Variants in ACOXL observed in about 807,000 individuals in gnomAD.
The protein encoded by ACOXL is acyl-CoA oxidase like.
ACOXL carries 70 observed loss-of-function variants against 71.9 expected under a neutral mutation model. The ratio of observed to expected loss-of-function variants is 0.97; its 90% confidence interval spans 0.80 to 1.19. The LOEUF (loss-of-function observed/expected upper bound fraction) is 1.19. Ranked by LOEUF, ACOXL falls within the 50% of genes most tolerant of loss-of-function variation. The probability of loss-of-function intolerance (pLI) is 0.00; values close to 1 mark genes in which losing one functional copy is unlikely to be tolerated. For synonymous variants in ACOXL, 253 were observed against 281.6 expected (o/e 0.90, Z 1.02); for missense variants, 703 against 736.3 (o/e 0.95, Z 0.52).
chr2:110,897,563 T>C (rs2059062877), intron 10 of ACOXL, among the ~76,000 whole-genome samples: 1 of 152,188 alleles, frequency 6.6e-6, no homozygotes, highest in Non-Finnish European at 1.5e-5. Context: ...TAGCCTATTA[T>C]GAGGGCCGAG....
chr2:110,813,188 T>C (rs2105436703), intron 9 of ACOXL, among the ~76,000 whole-genome samples: 1 of 152,266 alleles, frequency 6.6e-6, no homozygotes, highest in Middle Eastern at 3.4e-3. Context: ...GAGAGGAAAG[T>C]CCTTGGGCAT....
chr2:110,897,980 A>C (rs2059081687), intron 10 of ACOXL, among the ~76,000 whole-genome samples: 1 of 152,160 alleles, frequency 6.6e-6, no homozygotes, highest in Non-Finnish European at 1.5e-5. Flanking sequence ...GTAAACATAA[A>C]ATTGAAAACT....
chr2:110,831,064 A>G (rs1315691842), intron 9 of ACOXL, among the ~76,000 whole-genome samples: 1 of 152,190 alleles, frequency 6.6e-6, no homozygotes, highest in African/African-American at 2.4e-5. Flanking sequence ...TTTCCCCCCT[A>G]CAACTGGGAA....
intron 16 of ACOXL, among the ~76,000 whole-genome samples, chr2:111,052,579 T>C (rs146508737): frequency 6.6e-6 from 1 of 152,312 alleles, no homozygotes; most frequent in Non-Finnish European, 1.5e-5. Flanking sequence ...GAGTTGCCTC[T>C]CAGATTTCAC....
At chr2:111,084,038 G>A (rs1257587680) in intron 16 of ACOXL, among the ~76,000 whole-genome samples, 1 of 151,994 alleles carries the variant, frequency 6.6e-6, no homozygotes, top group African/African-American at 2.4e-5. Flanking sequence ...AAAAAAATGT[G>A]ATTTGGGGCC....
intron 12 of ACOXL, among the ~76,000 whole-genome samples, chr2:110,951,483 A>T (rs530321393): frequency 2.0e-5 from 3 of 152,332 alleles, no homozygotes; most frequent in African/African-American, 7.2e-5. Flanking sequence ...TGCCATGGTT[A>T]ATTAAAGGAA....
At chr2:110,987,922 A>G (rs982075798) in intron 13 of ACOXL, among the ~76,000 whole-genome samples, 2 of 151,934 alleles carry the variant, frequency 1.3e-5, no homozygotes, top group African/African-American at 2.4e-5. Context: ...TTTCTGGGGG[A>G]TGTGCACAAG....
At chr2:110,914,094 T>C (rs1947964) in intron 11 of ACOXL, among the ~76,000 whole-genome samples, 78,049 of 151,940 alleles carry the variant, frequency 0.51, 20,330 homozygotes, top group East Asian at 0.59. Context: ...GCACAACTCC[T>C]TAAATATACT....
At chr2:110,915,100 CTTTT>C (rs2059789991) in intron 11 of ACOXL, among the ~76,000 whole-genome samples, 1 of 151,922 alleles carries the variant, frequency 6.6e-6, no homozygotes. Context: ...CTTATTCATT[CTTTT>C]TAACTATTTT....
chr2:110,792,223 C>T (rs545304853), intron 3 of ACOXL, among the ~76,000 whole-genome samples: 1 of 152,316 alleles, frequency 6.6e-6, no homozygotes, highest in Admixed American at 6.5e-5. Flanking sequence ...TCAACATCAC[C>T]CACAAACCAC....
intron 12 of ACOXL, among the ~76,000 whole-genome samples, chr2:110,976,860 C>A (rs1421422481): frequency 1.3e-5 from 2 of 152,098 alleles, no homozygotes; most frequent in Non-Finnish European, 2.9e-5. Flanking sequence ...CAAAACCACT[C>A]AAGAAAAGCA....
intron 16 of ACOXL, among the ~76,000 whole-genome samples, chr2:111,091,840 C>A (rs1027094926): frequency 3.3e-5 from 5 of 152,132 alleles, no homozygotes; most frequent in Non-Finnish European, 7.4e-5. Context: ...GATGCTGTTC[C>A]AAGGATACGC....
At chr2:110,957,205 C>G (rs2061532890) in intron 12 of ACOXL, among the ~76,000 whole-genome samples, 1 of 151,194 alleles carries the variant, frequency 6.6e-6, no homozygotes, top group Admixed American at 6.6e-5. Flanking sequence ...AATATACAAA[C>G]AAATATCCCC....
intron 1 of ACOXL, among the ~76,000 whole-genome samples, chr2:110,755,843 C>T (rs1280975503): frequency 1.3e-5 from 2 of 151,948 alleles, no homozygotes; most frequent in Non-Finnish European, 2.9e-5. Flanking sequence ...TGAATTTTCC[C>T]ACCTCCACCC....
chr2:110,844,550 CTTT>C (rs72290322), intron 10 of ACOXL, among the ~76,000 whole-genome samples: 4 of 133,508 alleles, frequency 3.0e-5, no homozygotes, highest in Non-Finnish European at 4.8e-5. Flanking sequence ...CTTTTCTTTT[CTTT>C]TTTTTTTTTT....
chr2:111,016,417 A>G (rs1007955783), intron 14 of ACOXL: 1 of 152,260 alleles, frequency 6.6e-6, no homozygotes, highest in African/African-American at 2.4e-5. Context: ...TGTGCTACAC[A>G]TCTGACTGTA....
At chr2:110,780,794 G>A (rs1438068165) in intron 2 of ACOXL, among the ~76,000 whole-genome samples, 2 of 152,012 alleles carry the variant, frequency 1.3e-5, no homozygotes, top group Non-Finnish European at 2.9e-5. Flanking sequence ...AGCACTTTGA[G>A]AGGCCGAGGC....
chr2:110,966,150 C>T (rs1231906699), intron 12 of ACOXL, among the ~76,000 whole-genome samples: 1 of 152,168 alleles, frequency 6.6e-6, no homozygotes, highest in East Asian at 1.9e-4. Context: ...CACCCAGTGG[C>T]CTTAGTGGGG....
At chr2:110,966,564 G>T (rs1377221363) in intron 12 of ACOXL, among the ~76,000 whole-genome samples, 1 of 152,190 alleles carries the variant, frequency 6.6e-6, no homozygotes, top group East Asian at 1.9e-4. Flanking sequence ...TTCCCTCCCT[G>T]CCCCCTAAAC....
Sources: gnomAD v4.1 joint callset for allele counts (sites outside exome capture counted in the v4.1 genomes callset) on GRCh38, gnomAD v4.1.1 for gene constraint, MANE v1.5 for transcripts, NCBI Gene and HGNC (gene_info 2026-07-23, HGNC 2026-07-21) for gene names.